Variants in PDE10A observed in about 807,000 individuals in gnomAD.
The protein encoded by PDE10A is cAMP and cAMP-inhibited cGMP 3',5'-cyclic phosphodiesterase 10A.
PDE10A carries 39 observed loss-of-function variants against 97.7 expected under a neutral mutation model. The ratio of observed to expected loss-of-function variants is 0.40; its 90% CI spans 0.31 to 0.52. The LOEUF is 0.52. Among genes scored for constraint, PDE10A ranks in the 20% least tolerant of loss-of-function variants. The pLI is 0.56. For synonymous variants in PDE10A, 371 were observed against 376.8 expected, an observed-to-expected ratio of 0.98 and a Z score of 0.18; for missense variants, 731 against 1,047.8, an observed-to-expected ratio of 0.70 and a Z score of 4.17.
intron 1 of PDE10A, among the ~76,000 whole-genome samples, chr6:165,877,109 T>C (rs1297458520): frequency 3.3e-5 from 5 of 152,350 alleles, no homozygotes. Context: ...TTTTGTTTCT[T>C]CCTGAAGGCA....
chr6:165,762,602 A>C (rs4535523), intron 1 of PDE10A, among the ~76,000 whole-genome samples: 21,425 of 152,214 alleles, frequency 0.14, 2,337 homozygotes, highest in African/African-American at 0.3. Context: ...ACAATTATAG[A>C]TAGAATAGAT....
rs564013463 is a variant in PDE10A, at chr6:165,727,831, C to T, written c.-614-184263G>A. Among the ~76,000 whole-genome samples, 8 of 152,272 alleles carry T rather than the reference C, an allele frequency of 5.3e-5. 1 individual carries two copies. In the East Asian group the frequency reaches 7.7e-4, roughly 15 times the overall value. On this transcript the variant is annotated intron_variant, in intron 1 of 19. Coordinates refer to the PDE10A transcript ENST00000366882. ...ACAATGAAGACATTTTACTTTGTCT[C>T]GCTGCTTTTCATCTTATGCTGCTGA... is the stretch of plus-strand genomic sequence containing the variant.
At chr6:165,680,711 C>A (rs578107517) in intron 1 of PDE10A, among the ~76,000 whole-genome samples, 1 of 152,296 alleles carries the variant, frequency 6.6e-6, no homozygotes, top group Non-Finnish European at 1.5e-5. Flanking sequence ...CGAGACCAGC[C>A]TGGCCAACAT....
chr6:165,582,751 ACT>A (rs1343798775), intron 1 of PDE10A, among the ~76,000 whole-genome samples: 1 of 151,736 alleles, frequency 6.6e-6, no homozygotes, highest in Non-Finnish European at 1.5e-5. Context: ...AGTATAGATG[ACT>A]CTCTATTTAC....
chr6:165,676,134 G>A (rs1790788327), intron 1 of PDE10A, among the ~76,000 whole-genome samples: 1 of 152,176 alleles, frequency 6.6e-6, no homozygotes, highest in Non-Finnish European at 1.5e-5. Context: ...AAACCAAGAA[G>A]TCAAGCACTG....
rs1009299345 is a variant in PDE10A, at chr6:165,655,513, T to C, written c.865+6434A>G. Among the ~76,000 whole-genome samples, 2 of 116,934 alleles carry C rather than the reference T, an allele frequency of 1.7e-5. No homozygotes were observed. The highest frequency in any genetic ancestry group is 6.7e-4 in the South Asian group (2 of 2,972). 76.7% of individuals were successfully genotyped at this position (116,934 alleles called of 152,430 possible). Reference sequence around the variant, plus strand: ...TTGACGTCCCCATATCCAACCCACCTGCAGGTCTTATACACGCCACCTCCA... The same window carrying C: ...TTGACGTCCCCATATCCAACCCACCCGCAGGTCTTATACACGCCACCTCCA... On this transcript the variant is annotated intron_variant, in intron 1 of 21. Coordinates refer to ENST00000539869, the MANE Select transcript of PDE10A (RefSeq NM_001385079.1). This position sits in a 1 kb window ranked among gnomAD's most constrained non-coding sequence, Gnocchi z 4.5.
chr6:165,366,971 C>A (rs1487801988), intron 18 of PDE10A, among the ~76,000 whole-genome samples: 2 of 151,918 alleles, frequency 1.3e-5, no homozygotes, highest in African/African-American at 4.8e-5. Flanking sequence ...AAATTACTAG[C>A]CATGTAAAGA....
intron 3 of PDE10A, among the ~76,000 whole-genome samples, chr6:165,452,657 G>C (rs2203103): frequency 6.6e-6 from 1 of 152,092 alleles, no homozygotes; most frequent in Non-Finnish European, 1.5e-5. Context: ...AAAATTGTAA[G>C]AAATAAATTT....
intron 1 of PDE10A, among the ~76,000 whole-genome samples, chr6:165,654,338 G>A (rs575173562): frequency 2.6e-5 from 4 of 152,074 alleles, no homozygotes; most frequent in South Asian, 2.1e-4. Context: ...CCGGCCTCCC[G>A]CTCTCCCCAA....
At chr6:165,393,410 T>C (rs1785878170) in intron 15 of PDE10A, among the ~76,000 whole-genome samples, 1 of 151,546 alleles carries the variant, frequency 6.6e-6, no homozygotes, top group Non-Finnish European at 1.5e-5. Context: ...ATATTTTTTA[T>C]ATTATGTACT....
intron 18 of PDE10A, among the ~76,000 whole-genome samples, chr6:165,355,987 A>C (rs9459380): frequency 0.077 from 11,715 of 152,156 alleles, 518 homozygotes; most frequent in Middle Eastern, 0.2. Flanking sequence ...GGCCTCAGCA[A>C]ACTTACAATC....
At position 165,558,630 on chromosome 6, in the gene PDE10A, T is replaced by C. The variant is rs948344674; in HGVS notation, c.866-15062A>G. Among the ~76,000 whole-genome samples the C allele has an allele frequency of 8.5e-5, 13 of 152,332 alleles. No homozygotes were observed. In the East Asian group the frequency reaches 1.5e-3, roughly 18 times the overall value. Reference sequence around the variant, plus strand: ...TATCAATTCACCCAAGAATTTCTTTTAGACTTCCTCTATAAAAGGACATTA... The same window carrying C: ...TATCAATTCACCCAAGAATTTCTTTCAGACTTCCTCTATAAAAGGACATTA... On this transcript the variant is annotated intron_variant, in intron 1 of 21. Coordinates refer to ENST00000539869, the MANE Select transcript of PDE10A (RefSeq NM_001385079.1).
At chr6:165,799,523 C>G (rs912456997) in intron 1 of PDE10A, among the ~76,000 whole-genome samples, 1 of 152,068 alleles carries the variant, frequency 6.6e-6, no homozygotes, top group African/African-American at 2.4e-5. Flanking sequence ...TTTGGATTGT[C>G]TACTGTATGG....
chr6:165,627,500 G>A (rs1044701440), intron 1 of PDE10A, among the ~76,000 whole-genome samples: 8 of 152,138 alleles, frequency 5.3e-5, no homozygotes, highest in African/African-American at 1.9e-4. Flanking sequence ...AGAAATCACA[G>A]AAGATGTAAT....
intron 1 of PDE10A, among the ~76,000 whole-genome samples, chr6:165,784,369 G>T (rs775092267): frequency 6.6e-6 from 1 of 152,108 alleles, no homozygotes; most frequent in African/African-American, 2.4e-5. Flanking sequence ...TCCTTTCCAC[G>T]TTTCTGAGTA....
intron 1 of PDE10A, among the ~76,000 whole-genome samples, chr6:165,976,270 A>G (rs190315714): frequency 1.3e-5 from 2 of 152,214 alleles, no homozygotes; most frequent in African/African-American, 2.4e-5. Context: ...ACTCAGCCCC[A>G]GTGATTTTAG....
At chr6:165,643,505 A>AG (rs1382204686) in intron 1 of PDE10A, among the ~76,000 whole-genome samples, 2 of 152,296 alleles carry the variant, frequency 1.3e-5, no homozygotes, top group East Asian at 3.9e-4. Flanking sequence ...AGCCATAGTA[A>AG]GGCTCTGAAG....
intron 1 of PDE10A, among the ~76,000 whole-genome samples, chr6:165,549,309 G>C (rs1783893224): frequency 6.6e-6 from 1 of 152,086 alleles, no homozygotes; most frequent in Admixed American, 6.6e-5. Flanking sequence ...AAATATATAA[G>C]TTATTACGGT....
At chr6:165,735,107 G>A (rs1429809191) in intron 1 of PDE10A, among the ~76,000 whole-genome samples, 1 of 151,814 alleles carries the variant, frequency 6.6e-6, no homozygotes, top group Non-Finnish European at 1.5e-5. Context: ...TAGGTAGGCA[G>A]GTTGGTAGGT....
Sources: gnomAD v4.1 joint callset for allele counts (sites outside exome capture counted in the v4.1 genomes callset) on GRCh38, gnomAD v4.1.1 for gene constraint, Gnocchi (gnomAD v3.1) non-coding constraint, MANE v1.5 for transcripts, NCBI Gene and HGNC (gene_info 2026-07-23, HGNC 2026-07-21) for gene names.